Variants in DOCK1 observed in about 807,000 individuals in gnomAD.
DOCK1 encodes the protein dedicator of cytokinesis 1, also known as dedicator of cytokinesis protein 1.
Under a neutral mutation model 262.7 loss-of-function variants are expected in DOCK1, and 138 were observed. The ratio of observed to expected loss-of-function variants is 0.53; its 90% CI spans 0.46 to 0.61. The LOEUF is 0.61. Ranked by LOEUF, DOCK1 falls within the 20% of genes least tolerant of loss-of-function variation. The pLI, the probability that DOCK1 is intolerant of heterozygous loss-of-function variation, is 0.00. For synonymous variants in DOCK1, 866 were observed against 867.4 expected, an observed-to-expected ratio of 1.00 and a Z score of 0.03; for missense variants, 1,908 against 2,370.7, an observed-to-expected ratio of 0.80 and a Z score of 4.05.
chr10:127,076,242 C>T (rs1259028176), intron 23 of DOCK1, among the ~76,000 whole-genome samples: 4 of 152,206 alleles, frequency 2.6e-5, no homozygotes, highest in Non-Finnish European at 5.9e-5. Context: ...TGGCTCGTGC[C>T]TGTAATCCCG....
At chr10:127,340,865 G>T (rs1000559000) in intron 30 of DOCK1, among the ~76,000 whole-genome samples, 1 of 152,054 alleles carries the variant, frequency 6.6e-6, no homozygotes, top group Non-Finnish European at 1.5e-5. Flanking sequence ...CCTAACATTC[G>T]TATTTGGCTG....
chr10:127,361,968 G>T, intron 32 of DOCK1, 96 bp from the exon 33 acceptor site: 2 of 1,333,402 alleles, frequency 1.5e-6, no homozygotes, highest in South Asian at 3.2e-5. Flanking sequence ...GCTGCTCAAA[G>T]TCACAGTGAT....
intron 29 of DOCK1, among the ~76,000 whole-genome samples, chr10:127,288,823 A>G (rs2061253877): frequency 6.6e-6 from 1 of 151,558 alleles, no homozygotes; most frequent in South Asian, 2.1e-4. Context: ...TAGTTTCAGA[A>G]TAACAATACC....
At chr10:126,998,916 A>G (rs913321112) in intron 8 of DOCK1, among the ~76,000 whole-genome samples, 2 of 152,238 alleles carry the variant, frequency 1.3e-5, no homozygotes, top group African/African-American at 4.8e-5. Context: ...TATGAATGAT[A>G]CAGAAAAATA....
chr10:127,097,753 A>C (rs755247488), intron 23 of DOCK1, among the ~76,000 whole-genome samples: 10 of 152,266 alleles, frequency 6.6e-5, no homozygotes, highest in Non-Finnish European at 1.3e-4. Flanking sequence ...TTACTTGCTT[A>C]AATAGCAAAC....
Position 127,304,147 on chromosome 10 carries a change from G to A in DOCK1, c.3045-34859G>A, listed in dbSNP as rs116501275. Among the ~76,000 whole-genome samples, 1,302 of 152,246 alleles carry A rather than the reference G, an allele frequency of 8.6e-3. 36 individuals carry two copies. The East Asian group carries it at 0.1, about 12-fold the overall frequency. ...GCCGGGTTCTGTGGCTGCTCAGGGG[G>A]CAGAGCTCCAGCCAGGCCTACAAGG... On this transcript the variant is annotated intron_variant, in intron 29 of 51. Coordinates refer to ENST00000623213, the MANE Select transcript of DOCK1 (RefSeq NM_001290223.2).
At chr10:127,239,675 A>T (rs1243606620) in intron 27 of DOCK1, among the ~76,000 whole-genome samples, 1 of 152,254 alleles carries the variant, frequency 6.6e-6, no homozygotes, top group East Asian at 1.9e-4. Flanking sequence ...TTTAAGACCG[A>T]GTTACGCTCG....
At chr10:127,390,612 C>T (rs1356565623) in intron 38 of DOCK1, among the ~76,000 whole-genome samples, 1 of 152,096 alleles carries the variant, frequency 6.6e-6, no homozygotes, top group African/African-American at 2.4e-5. Context: ...TACAAGCCAA[C>T]GAGAGAGGAC....
chr10:127,192,880 T>C (rs1446259749), intron 27 of DOCK1: 1 of 152,212 alleles, frequency 6.6e-6, no homozygotes, highest in Non-Finnish European at 1.5e-5. Flanking sequence ...CTGTATTCTG[T>C]CCTTAATGTA....
chr10:127,062,154 G>T (rs7914426), intron 23 of DOCK1, among the ~76,000 whole-genome samples: 35,007 of 151,814 alleles, frequency 0.23, 4,138 homozygotes, highest in African/African-American at 0.27. Context: ...GGTCAGGCTG[G>T]TCTCCAATTC....
At chr10:127,121,130 A>C (rs1005075777) in intron 25 of DOCK1, among the ~76,000 whole-genome samples, 1 of 152,158 alleles carries the variant, frequency 6.6e-6, no homozygotes, top group Non-Finnish European at 1.5e-5. Flanking sequence ...CCCAAATCCC[A>C]TAAAGTGACC....
At chr10:127,172,792 C>T (rs533724604) in intron 27 of DOCK1, among the ~76,000 whole-genome samples, 1 of 152,250 alleles carries the variant, frequency 6.6e-6, no homozygotes, top group South Asian at 2.1e-4. Context: ...TTAAGGTGCC[C>T]AAGTCCTCAG....
chr10:127,132,898 G>C (rs1340390533), intron 27 of DOCK1, among the ~76,000 whole-genome samples: 1 of 152,182 alleles, frequency 6.6e-6, no homozygotes, highest in Non-Finnish European at 1.5e-5. Flanking sequence ...GAAAATGTGG[G>C]CTTCTTTTAA....
chr10:127,105,937 T>A lies in DOCK1; in HGVS notation c.2446-294T>A, dbSNP rs553750268. Among the ~76,000 whole-genome samples, 6 of 152,186 alleles carry A rather than the reference T, an allele frequency of 3.9e-5. No individual in the cohort carries two copies. The East Asian group carries it at 1.2e-3, about 29-fold the overall frequency. On this transcript the variant is annotated intron_variant, in intron 23 of 51. Transcript: ENST00000623213. The stretch of plus-strand genomic sequence containing the variant: ...ACCAATGCCTGGCTAATTTTTTTTG[T>A]ATATTTTTGTAAAGGTGGAATTTCG...
At chr10:126,994,829 T>C (rs1378172399) in intron 6 of DOCK1, among the ~76,000 whole-genome samples, 1 of 152,228 alleles carries the variant, frequency 6.6e-6, no homozygotes, top group African/African-American at 2.4e-5. Flanking sequence ...CAATGAGCTG[T>C]TGCGTACACC....
At position 127,313,948 on chromosome 10, in the gene DOCK1, C is replaced by G. The variant is rs895589547; in HGVS notation, c.3045-25058C>G. Among the ~76,000 whole-genome samples the G allele has an allele frequency of 3.3e-5, 5 of 152,098 alleles. No individual in the cohort carries two copies. The South Asian group carries it at 1.0e-3, about 32-fold the overall frequency. On this transcript the variant is annotated intron_variant, in intron 29 of 51. Transcript: ENST00000623213. ...TAGGATCTCCCTCCGATGTGCACAT[C>G]GATTTGTTCTGTTCAGATGCTTTGT... is the stretch of plus-strand genomic sequence containing the variant.
At chr10:127,114,090 T>C (rs1030198009) in intron 25 of DOCK1, among the ~76,000 whole-genome samples, 3 of 152,206 alleles carry the variant, frequency 2.0e-5, no homozygotes, top group Admixed American at 6.5e-5. Flanking sequence ...TGGCTCCTCA[T>C]GGCACGCCCC....
At chr10:126,947,217 A>G (rs1376249512) in intron 1 of DOCK1, among the ~76,000 whole-genome samples, 3 of 152,272 alleles carry the variant, frequency 2.0e-5, no homozygotes, top group African/African-American at 7.2e-5. Flanking sequence ...CTCTGCCATG[A>G]TGATGGTGGT....
intron 2 of DOCK1, among the ~76,000 whole-genome samples, chr10:126,971,330 G>T (rs1194685912): frequency 1.3e-5 from 2 of 152,114 alleles, no homozygotes; most frequent in Non-Finnish European, 2.9e-5. Flanking sequence ...TGGGATTACA[G>T]GTGTGGTCCA....
Sources: gnomAD v4.1 joint callset for allele counts (sites outside exome capture counted in the v4.1 genomes callset) on GRCh38, gnomAD v4.1.1 for gene constraint, MANE v1.5 for transcripts, NCBI Gene and HGNC (gene_info 2026-07-23, HGNC 2026-07-21) for gene names.